PRRC2B: variants seen among roughly 807,000 people sequenced by gnomAD.
PRRC2B encodes the protein proline rich coiled-coil 2B.
A neutral mutation model predicts 242.3 loss-of-function variants in PRRC2B; 68 were observed. The observed-to-expected ratio is 0.28, with a 90% confidence interval of 0.23 to 0.34. PRRC2B has a LOEUF of 0.34. Ranked by LOEUF, PRRC2B falls within the 10% of genes least tolerant of loss-of-function variation. The probability of loss-of-function intolerance (pLI) is 1.00; values close to 1 mark genes in which losing one functional copy is unlikely to be tolerated. For missense variants in PRRC2B, 2,835 were observed against 2,954.8 expected (o/e 0.96, Z 0.94); for synonymous variants, 1,228 against 1,173.6 (o/e 1.05, Z -0.95).
intron 1 of PRRC2B, among the ~76,000 whole-genome samples, chr9:131,415,083 C>T (rs2131301894): frequency 6.6e-6 from 1 of 152,274 alleles, no homozygotes; most frequent in South Asian, 2.1e-4. Flanking sequence ...ACCTCTGCCT[C>T]ACAGGTTTAA....
rs1564305941 is a variant in PRRC2B at position 131,497,349 on chromosome 9, C to T, written c.*1475C>T. The T allele has an allele frequency of 6.6e-6, 1 of 152,230 alleles. No individual in the cohort carries two copies. Among genetic ancestry groups the T allele is most frequent in the Non-Finnish European group, 1.5e-5 (1 of 68,070 alleles). The allele number at this position is 152,230 out of a possible 1,614,324, so 9.4% of individuals were successfully genotyped here. On this transcript the variant is annotated 3_prime_UTR_variant, in exon 32 of 32. Transcript: ENST00000683519. ...TTAAGTAAGAAACAAGGAAATCACTCCAGATTCTGTCATTCCAAGGAAAGG... is the reference window on the plus strand; with the variant it reads ...TTAAGTAAGAAACAAGGAAATCACTTCAGATTCTGTCATTCCAAGGAAAGG...
rs78258918 is a variant in PRRC2B at position 131,429,944 on chromosome 9, C to G, written c.-51-150C>G. On this transcript the variant is annotated intron_variant, in intron 1 of 31. Coordinates refer to ENST00000683519, the MANE Select transcript of PRRC2B (RefSeq NM_013318.4). ...GCCTGTGGGTGGTGAGAGCAGTTTTCTAAGGACAGTCCAAAGCCATCTTCA... is the reference window on the plus strand; with the variant it reads ...GCCTGTGGGTGGTGAGAGCAGTTTTGTAAGGACAGTCCAAAGCCATCTTCA... 923 of 572,818 alleles carry G rather than the reference C, an allele frequency of 1.6e-3. 3 individuals carry two copies. Among genetic ancestry groups the G allele is most frequent in the African/African-American group, 0.015 (788 of 53,042 alleles). The allele number at this position is 572,818 out of a possible 1,614,324, so 35.5% of individuals were successfully genotyped here.
chr9:131,386,442 G>A (rs1261632685), intron 1 of PRRC2B, among the ~76,000 whole-genome samples: 3 of 150,130 alleles, frequency 2.0e-5, no homozygotes, highest in Non-Finnish European at 4.4e-5. Flanking sequence ...TTAACTCCCA[G>A]GGATGCAGCA....
In PRRC2B at chr9:131,475,981, A is replaced by G. The variant is rs754296372; in HGVS notation, c.3852A>G (p.Gln1284=). ...CGGAGGACAAGAGATCCTTCTTCCA[A>G]GATGAACACGTGGCAGATTCTGAAA... is the stretch of plus-strand genomic sequence containing the variant. ...SRAEDKRSFF[Q]DEHVADSENA... The change falls in exon 16 of 32, where the codon CAA becomes CAG. Residue 1284 remains glutamine (Q), a synonymous_variant. Transcript: ENST00000683519. 11 of 1,610,090 alleles carry G rather than the reference A, an allele frequency of 6.8e-6. No homozygotes were observed. Among genetic ancestry groups the G allele is most frequent in the African/African-American group, 2.7e-5 (2 of 74,988 alleles).
chr9:131,470,800 A>C lies in PRRC2B; in HGVS notation c.1924A>C (p.Lys642Gln). 6.2e-7 allele frequency: 1 copy of C among 1,612,298 alleles called. No homozygotes were observed. Among genetic ancestry groups the C allele is most frequent in the South Asian group, 1.1e-5 (1 of 91,016 alleles). The change falls in exon 14 of 32, where the codon AAG (lysine) becomes CAG (glutamine). Residue 642 changes from lysine (K) to glutamine (Q), a missense_variant. Lys to Gln is a moderately conservative substitution (Grantham distance 53, BLOSUM62 1). Transcript: ENST00000683519. Reference sequence around the variant, plus strand: ...TCTCTGTGGGCAGGAGCAGCTGTACAAGATGCAGCACTGGCAGCCGGTGTA... The same window carrying C: ...TCTCTGTGGGCAGGAGCAGCTGTACCAGATGCAGCACTGGCAGCCGGTGTA... ...QQQQQQEQLY[K>Q]MQHWQPVYPP...
At chr9:131,380,886 C>CAAA (rs61180556) in intron 1 of PRRC2B, among the ~76,000 whole-genome samples, 3 of 108,338 alleles carry the variant, frequency 2.8e-5, no homozygotes, top group Admixed American at 9.8e-5. Flanking sequence ...ATTCTGTCTC[C>CAAA]AAAAAAAAAA....
intron 3 of PRRC2B, among the ~76,000 whole-genome samples, chr9:131,435,709 A>G (rs1054796595): frequency 6.6e-6 from 1 of 152,146 alleles, no homozygotes; most frequent in South Asian, 2.1e-4. Flanking sequence ...TGGTTAAATT[A>G]TGACCTGTCT....
intron 4 of PRRC2B, among the ~76,000 whole-genome samples, chr9:131,437,187 T>C (rs535948244): frequency 6.6e-6 from 1 of 152,324 alleles, no homozygotes; most frequent in South Asian, 2.1e-4. Context: ...GTGCCTTTCA[T>C]ATGCTAATAC....
intron 1 of PRRC2B, among the ~76,000 whole-genome samples, chr9:131,428,524 G>A (rs1258968152): frequency 1.3e-5 from 2 of 152,214 alleles, no homozygotes; most frequent in African/African-American, 4.8e-5. Flanking sequence ...AGCCTCCTGA[G>A]TAGCTGGGAT....
chr9:131,488,048 G>T lies in PRRC2B; in HGVS notation c.6177G>T (p.Gln2059His), dbSNP rs1245907423. 3 of 1,613,368 alleles carry T rather than the reference G, an allele frequency of 1.9e-6. 1 individual carries two copies. The South Asian group carries it at 3.3e-5, about 18-fold the overall frequency. The change falls in exon 28 of 32, where the codon CAG (glutamine) becomes CAT (histidine). Residue 2059 changes from glutamine (Q) to histidine (H), a missense_variant. By Grantham distance (24) the Gln-to-His change is conservative. Coordinates refer to ENST00000683519, the MANE Select transcript of PRRC2B (RefSeq NM_013318.4). ...TGGTCTACGAGGGCCAGCTCAGCCAGGCTGCTGGCCTGGGTGCCTCCCAGA... is the reference window on the plus strand; with the variant it reads ...TGGTCTACGAGGGCCAGCTCAGCCATGCTGCTGGCCTGGGTGCCTCCCAGA... Reference protein sequence around the residue: ...QALVYEGQLSQAAGLGASQML... With the variant: ...QALVYEGQLSHAAGLGASQML...
rs1390013165 is a variant in PRRC2B at position 131,476,103 on chromosome 9, T to G, written c.3974T>G (p.Leu1325Arg). 1 of 1,609,718 alleles carries G rather than the reference T, an allele frequency of 6.2e-7. No homozygotes were observed. Among genetic ancestry groups the G allele is most frequent in the South Asian group, 1.1e-5 (1 of 90,980 alleles). Residue 1325 changes from leucine to arginine, a missense_variant, in exon 16 of 32, where the codon CTG becomes CGG. Physicochemically the swap from Leu to Arg is moderately radical, Grantham distance 102. Transcript: ENST00000683519. Reference protein sequence around the residue: ...RLRQERESLGLWGPEEEPHLL... With the variant: ...RLRQERESLGRWGPEEEPHLL... ...CGGCAAGAGCGGGAGTCCCTGGGCC[T>G]GTGGGGACCCGAGGAGGAGCCCCAC...
rs1371621628 is a variant in PRRC2B, at chr9:131,430,504, GATATCT to G, written c.115+249_115+254del. ...TTGAAGCTGGGGAGATATATCTATAGATATCTATAGATAGATAGATAGATATCTATC... is the reference window on the plus strand; with the variant it reads ...TTGAAGCTGGGGAGATATATCTATAGATAGATAGATAGATAGATATCTATC... On this transcript the variant is annotated intron_variant, in intron 2 of 31. Coordinates refer to ENST00000683519, the MANE Select transcript of PRRC2B (RefSeq NM_013318.4). 5.3e-4 allele frequency among the ~76,000 whole-genome samples: 28 copies of G among 53,100 alleles called. No individual in the cohort carries two copies. The South Asian group carries it at 0.034, about 64-fold the overall frequency. The allele number at this position is 53,100 out of a possible 152,430, so 34.8% of individuals were successfully genotyped here.
At chr9:131,491,153 T>C (rs1321192409) in intron 28 of PRRC2B, 1 of 418,144 alleles carries the variant, frequency 2.4e-6, no homozygotes, top group Non-Finnish European at 4.2e-6. Context: ...ACGCTGTTAG[T>C]TCCCATGCCT....
Position 131,464,931 on chromosome 9 carries a change from T to C in PRRC2B, c.1573T>C (p.Cys525Arg). The change falls in exon 12 of 32, where the codon TGT becomes CGT. Residue 525 changes from cysteine to arginine, a missense_variant. Coordinates refer to ENST00000683519, the MANE Select transcript of PRRC2B (RefSeq NM_013318.4). ...RRAREERLAA[C>R]AAKLKQLDQK... ...AGCCCGGGAGGAGAGGCTGGCCGCC[T>C]GTGCTGCCAAACTCAAGCAGCTGGA... 6.2e-7 allele frequency: 1 copy of C among 1,613,832 alleles called. No individual in the cohort carries two copies. Among genetic ancestry groups the C allele is most frequent in the Non-Finnish European group, 8.5e-7 (1 of 1,179,862 alleles).
intron 11 of PRRC2B, among the ~76,000 whole-genome samples, chr9:131,462,523 GAATTTTTAAGAA>G (rs1943269331): frequency 6.7e-6 from 1 of 150,286 alleles, no homozygotes; most frequent in Non-Finnish European, 1.5e-5. Flanking sequence ...TCTTCTGACT[GAATTTTTAAGAA>G]AATTTTTAAG....
chr9:131,420,051 G>A (rs1201624131), intron 1 of PRRC2B, among the ~76,000 whole-genome samples: 1 of 152,106 alleles, frequency 6.6e-6, no homozygotes, highest in African/African-American at 2.4e-5. Flanking sequence ...AGTGCTTCTT[G>A]TGTCCTCACC....
chr9:131,380,792 C>T (rs995312386), intron 1 of PRRC2B, among the ~76,000 whole-genome samples: 14 of 147,796 alleles, frequency 9.5e-5, no homozygotes, highest in South Asian at 2.2e-4. Flanking sequence ...GCAGGAGAAC[C>T]GCTTGAACCT....
At chr9:131,433,440 G>A (rs1298038756) in intron 3 of PRRC2B, among the ~76,000 whole-genome samples, 2 of 152,220 alleles carry the variant, frequency 1.3e-5, no homozygotes, top group African/African-American at 4.8e-5. Flanking sequence ...AACAGCCCCT[G>A]TGTGGTGGGC....
Position 131,424,184 on chromosome 9 carries a change from C to T in PRRC2B, c.-51-5910C>T, listed in dbSNP as rs1013875237. ...CTTGAACTCTTGGGTTCAAGTGATC[C>T]GCCTGCTTCAGCTCCCCAAAGTGCT... On this transcript the variant is annotated intron_variant, in intron 1 of 31. Coordinates refer to ENST00000683519, the MANE Select transcript of PRRC2B (RefSeq NM_013318.4). Among the ~76,000 whole-genome samples, 13 of 152,248 alleles carry T rather than the reference C, an allele frequency of 8.5e-5. No individual in the cohort carries two copies. The South Asian group carries it at 1.2e-3, about 15-fold the overall frequency.
Sources: gnomAD v4.1 joint callset for allele counts (sites outside exome capture counted in the v4.1 genomes callset) on GRCh38, gnomAD v4.1.1 for gene constraint, MANE v1.5 for transcripts, NCBI Gene and HGNC (gene_info 2026-07-23, HGNC 2026-07-21) for gene names.